Variants in QKI observed in about 807,000 individuals in gnomAD.
QKI encodes KH domain-containing RNA-binding protein QKI.
QKI carries 10 observed loss-of-function variants against 39.0 expected under a neutral mutation model. The observed-to-expected ratio is 0.26, with a 90% CI of 0.16 to 0.43. QKI has a LOEUF of 0.43. Ranked by LOEUF, QKI falls within the 20% of genes least tolerant of loss-of-function variation. The pLI is 1.00. For synonymous variants in QKI, 204 were observed against 155.4 expected (o/e 1.31, Z -2.33); for missense variants, 218 against 428.0 (o/e 0.51, Z 4.33).
At chr6:163,480,168 A>T (rs2128225826) in intron 3 of QKI, among the ~76,000 whole-genome samples, 1 of 152,294 alleles carries the variant, frequency 6.6e-6, no homozygotes, top group African/African-American at 2.4e-5. Flanking sequence ...ATTCTTGTAA[A>T]AATTGGCGGA....
chr6:163,443,231 A>G (rs1269908036), intron 1 of QKI, among the ~76,000 whole-genome samples: 1 of 152,196 alleles, frequency 6.6e-6, no homozygotes, highest in African/African-American at 2.4e-5. Flanking sequence ...TGCTTGTTGT[A>G]GTTCCTTTTG....
At chr6:163,435,886 AAC>A (rs904938776) in intron 1 of QKI, among the ~76,000 whole-genome samples, 10 of 152,194 alleles carry the variant, frequency 6.6e-5, no homozygotes, top group African/African-American at 2.2e-4. Flanking sequence ...ATAATATTTA[AAC>A]ACAGAATGGT....
intron 6 of QKI, chr6:163,565,767 A>C: frequency 6.3e-6 from 8 of 1,278,152 alleles, no homozygotes; most frequent in Non-Finnish European, 8.0e-6. Context: ...AGTTATAATA[A>C]ATTTGCACAC....
rs762681739 is a variant in QKI, at chr6:163,566,176, A to T, written c.935-545A>T. On this transcript the variant is annotated intron_variant, in intron 6 of 7. Coordinates refer to ENST00000361752, the MANE Select transcript of QKI (RefSeq NM_006775.3). ...GTAATGGTAATTTATAAAGGAGTGT[A>T]TAGTAGTATACTGACTGCTAAGTGT... 3 of 1,375,592 alleles carry T rather than the reference A, an allele frequency of 2.2e-6. 1 individual carries two copies. The African/African-American group carries it at 4.4e-5, about 20-fold the overall frequency. The allele number at this position is 1,375,592 out of a possible 1,614,324, so 85.2% of individuals were successfully genotyped here.
chr6:163,569,101 A>T, intron 7 of QKI: 1 of 940,866 alleles, frequency 1.1e-6, no homozygotes, highest in Non-Finnish European at 1.3e-6. Context: ...TTAAGATTCT[A>T]TATTTTGGAA....
At position 163,535,114 on chromosome 6, in the gene QKI, T is replaced by C. The variant is rs1781112845; in HGVS notation, c.535T>C (p.Leu179=). ...KRAVEEVKKL[L]VPAAEGEDSL... The stretch of plus-strand genomic sequence containing the variant: ...AGCAGTTGAAGAAGTGAAGAAATTA[T>C]TGGTACCTGCAGTAAGTAATAATTT... The change falls in exon 4 of 8, where the codon TTG becomes CTG. Residue 179 remains leucine (L), a synonymous_variant. Coordinates refer to ENST00000361752, the MANE Select transcript of QKI (RefSeq NM_006775.3). The C allele has an allele frequency of 5.6e-6, 9 of 1,597,874 alleles. No individual in the cohort carries two copies. In the East Asian group the frequency reaches 1.8e-4, roughly 32 times the overall value.
chr6:163,457,513 C>T (rs1200148582), intron 2 of QKI: 2 of 453,896 alleles, frequency 4.4e-6, no homozygotes, highest in Non-Finnish European at 8.9e-6. Flanking sequence ...TGTAAATGTT[C>T]AAGCCCCTTT....
At chr6:163,444,447 T>A (rs1789992727) in intron 1 of QKI, among the ~76,000 whole-genome samples, 1 of 152,204 alleles carries the variant, frequency 6.6e-6, no homozygotes, top group Non-Finnish European at 1.5e-5. Context: ...GAAGATAGGC[T>A]TTTTATAGAA....
intron 3 of QKI, among the ~76,000 whole-genome samples, chr6:163,513,789 A>T (rs959009855): frequency 1.3e-5 from 2 of 152,122 alleles, no homozygotes; most frequent in Admixed American, 6.6e-5. Flanking sequence ...CCACAGTTTC[A>T]TGGATGATGG....
chr6:163,493,431 C>T (rs767061078), intron 3 of QKI, among the ~76,000 whole-genome samples: 4 of 152,088 alleles, frequency 2.6e-5, no homozygotes, highest in Non-Finnish European at 4.4e-5. Flanking sequence ...GCCCAGCCTA[C>T]AATACTTTTT....
intron 6 of QKI, chr6:163,564,280 A>G: frequency 8.9e-6 from 9 of 1,006,712 alleles, no homozygotes; most frequent in Non-Finnish European, 1.1e-5. Flanking sequence ...CAGTTTCATC[A>G]TTTGGTGTAC....
intron 1 of QKI, among the ~76,000 whole-genome samples, chr6:163,441,765 G>C (rs1354923198): frequency 1.3e-5 from 2 of 152,156 alleles, no homozygotes; most frequent in Admixed American, 6.5e-5. Context: ...TTCCAAGGCA[G>C]GGAAAGAGTT....
intron 3 of QKI, among the ~76,000 whole-genome samples, chr6:163,525,612 G>A (rs753958093): frequency 1.3e-4 from 19 of 151,960 alleles, no homozygotes; most frequent in Non-Finnish European, 2.6e-4. Context: ...CCCCCTCCCC[G>A]CCTCGGCCAC....
chr6:163,493,845 A>ACAAAAATATAGT (rs71023229), intron 3 of QKI, among the ~76,000 whole-genome samples: 119,074 of 151,510 alleles, frequency 0.79, 46,954 homozygotes, highest in East Asian at 1. Context: ...TTTTAAAGGG[A>ACAAAAATATAGT]CAAAAATATA....
chr6:163,460,920 CTG>C (rs551835370), intron 2 of QKI, among the ~76,000 whole-genome samples: 11 of 152,148 alleles, frequency 7.2e-5, no homozygotes, highest in Non-Finnish European at 1.6e-4. Flanking sequence ...ATCTACACAT[CTG>C]TCTTTGATAG....
chr6:163,562,067 C>A lies in QKI; in HGVS notation c.632C>A (p.Ser211Ter). 1 of 1,611,198 alleles carries A rather than the reference C, an allele frequency of 6.2e-7. No individual in the cohort carries two copies. Among genetic ancestry groups the A allele is most frequent in the South Asian group, 1.1e-5 (1 of 90,682 alleles). ...ACCTACAGAGATGCCAACATTAAAT[C>A]ACGTAAGAATGAGCTCTGAGGCCCA... ...NGTYRDANIK[S>*]PALAFSLAAT... The change falls in exon 5 of 8, where the codon TCA (serine) becomes TAA (stop). Residue 211 changes from serine (S) to a stop codon, truncating the protein, a stop_gained and splice_region_variant. Transcript: ENST00000361752. LOFTEE classifies it high-confidence loss of function.
At chr6:163,569,349 C>T (rs1023531563) in intron 7 of QKI, 3 of 1,199,378 alleles carry the variant, frequency 2.5e-6, no homozygotes, top group Non-Finnish European at 3.2e-6. Flanking sequence ...TTAAACTGAA[C>T]ATTACACCTT....
chr6:163,533,123 T>TGTAGGTCTCTCTCCAAAAAAAAA (rs1336885858), intron 3 of QKI, among the ~76,000 whole-genome samples: 2 of 151,964 alleles, frequency 1.3e-5, no homozygotes, highest in Non-Finnish European at 2.9e-5. Flanking sequence ...TAGTAGCTTT[T>TGTAGGTCTCTCTCCAAAAAAAAA]GTAGGTCTCT....
rs1019879120 is a variant in QKI at position 163,571,789 on chromosome 6, A to G, written c.*1079A>G. ...GATTTTTTCTGGTGGTTGTCAAGAA[A>G]CAAAAGACCAAAAGAGCCTTTTTGT... On this transcript the variant is annotated 3_prime_UTR_variant, in exon 8 of 8. Coordinates refer to ENST00000361752, the MANE Select transcript of QKI (RefSeq NM_006775.3). 3.3e-5 allele frequency: 5 copies of G among 152,082 alleles called. No homozygotes were observed. The highest frequency in any genetic ancestry group is 1.9e-4 in the East Asian group (1 of 5,200). 9.4% of individuals were successfully genotyped at this position (152,082 alleles called of 1,614,324 possible). A position where few individuals can be genotyped will look rare whatever the true frequency, so the allele number is the denominator to read the frequency against.
Sources: allele counts gnomAD v4.1 joint callset (sites outside exome capture counted in the v4.1 genomes callset), GRCh38; gene constraint gnomAD v4.1.1; transcripts MANE v1.5; gene names NCBI Gene and HGNC (gene_info 2026-07-23, HGNC 2026-07-21).